ZNF385D: variants seen among roughly 807,000 people sequenced by gnomAD.
The protein encoded by ZNF385D is zinc finger protein 385D.
In ZNF385D, 15 loss-of-function variants were observed where a neutral mutation model predicts 35.8. The ratio of observed to expected loss-of-function variants is 0.42; its 90% CI spans 0.28 to 0.64. The LOEUF (loss-of-function observed/expected upper bound fraction) is 0.64, where lower values mean the gene tolerates loss of function less well. Ranked by LOEUF, ZNF385D falls within the 30% of genes least tolerant of loss-of-function variation. ZNF385D has a pLI of 0.23. For missense variants in ZNF385D, 474 were observed against 494.6 expected (o/e 0.96, Z 0.39); for synonymous variants, 212 against 186.8 (o/e 1.13, Z -1.10).
intron 2 of ZNF385D, among the ~76,000 whole-genome samples, chr3:22,175,055 G>T (rs1368706211): frequency 4.1e-5 from 6 of 146,974 alleles, no homozygotes; most frequent in Non-Finnish European, 9.1e-5. Flanking sequence ...TGGAAAAAAA[G>T]TACTGTATGG....
intron 2 of ZNF385D, among the ~76,000 whole-genome samples, chr3:22,242,445 G>C (rs537046064): frequency 6.6e-6 from 1 of 150,644 alleles, no homozygotes; most frequent in East Asian, 2.0e-4. Flanking sequence ...TGGATATCAC[G>C]TAAACCCTGA....
intron 2 of ZNF385D, among the ~76,000 whole-genome samples, chr3:22,217,719 T>C (rs1697979915): frequency 6.6e-6 from 1 of 152,148 alleles, no homozygotes; most frequent in Non-Finnish European, 1.5e-5. Context: ...GGGAGAATGA[T>C]AGGCTGAAAA....
At chr3:22,271,609 T>A (rs368945439) in intron 2 of ZNF385D, among the ~76,000 whole-genome samples, 2 of 151,976 alleles carry the variant, frequency 1.3e-5, no homozygotes, top group Non-Finnish European at 2.9e-5. Flanking sequence ...CATGTTCTTT[T>A]GTGTTTCCTG....
At chr3:22,187,324 C>A (rs1318497735) in intron 2 of ZNF385D, among the ~76,000 whole-genome samples, 3 of 152,136 alleles carry the variant, frequency 2.0e-5, no homozygotes, top group African/African-American at 4.8e-5. Context: ...TTTCAATTAA[C>A]TGGTGATACA....
rs566834664 is a variant in ZNF385D at position 21,989,106 on chromosome 3, C to G, written c.325+179711G>C. 2.7e-3 allele frequency among the ~76,000 whole-genome samples: 405 copies of G among 152,272 alleles called. 2 individuals carry two copies. Among genetic ancestry groups the G allele is most frequent in the African/African-American group, 9.3e-3 (386 of 41,554 alleles). On this transcript the variant is annotated intron_variant, in intron 3 of 5. Transcript: ENST00000494108. ...ACCTCAGATGGAAATGCAGAAATCA[C>G]CCGTCTTCTGCGTCGCTCACGCTGG...
intron 3 of ZNF385D, among the ~76,000 whole-genome samples, chr3:22,146,266 T>C (rs1018041568): frequency 6.6e-6 from 1 of 152,222 alleles, no homozygotes; most frequent in East Asian, 1.9e-4. Context: ...TCAGTAATAT[T>C]CGTTTAATAG....
At chr3:21,847,576 T>C (rs891196665) in intron 3 of ZNF385D, among the ~76,000 whole-genome samples, 4 of 152,024 alleles carry the variant, frequency 2.6e-5, no homozygotes, top group Non-Finnish European at 5.9e-5. Context: ...ATGGGTGTAG[T>C]TGATTGAATG....
chr3:21,627,235 A>G (rs1285666427), intron 2 of ZNF385D, among the ~76,000 whole-genome samples: 2 of 137,722 alleles, frequency 1.5e-5, no homozygotes, highest in East Asian at 2.2e-4. Flanking sequence ...TGCTGGTTCA[A>G]AGAGGTGTAG....
At chr3:22,196,114 A>G (rs972254501) in intron 2 of ZNF385D, among the ~76,000 whole-genome samples, 58 of 152,084 alleles carry the variant, frequency 3.8e-4, no homozygotes, top group Non-Finnish European at 1.6e-4. Flanking sequence ...GTGTACAATG[A>G]ACCCCGATGA....
intron 3 of ZNF385D, among the ~76,000 whole-genome samples, chr3:21,856,269 ACACTGGAATGTCCAGGATTACATC>A (rs148776738): frequency 0.038 from 5,831 of 152,084 alleles, 386 homozygotes; most frequent in African/African-American, 0.13. Context: ...TAAAGTGCAG[ACACTGGAATGTCCAGGATTACATC>A]CATGGACCCC....
intron 3 of ZNF385D, among the ~76,000 whole-genome samples, chr3:22,167,333 C>T (rs769765133): frequency 6.6e-6 from 1 of 152,178 alleles, no homozygotes; most frequent in African/African-American, 2.4e-5. Context: ...TCAGCATGTA[C>T]TCTCCTATTC....
chr3:22,049,767 T>C (rs908125546), intron 3 of ZNF385D, among the ~76,000 whole-genome samples: 4 of 152,224 alleles, frequency 2.6e-5, no homozygotes, highest in African/African-American at 9.6e-5. Flanking sequence ...ATATATTTTT[T>C]GTTCCTCATT....
chr3:21,939,702 A>G (rs1303247046), intron 3 of ZNF385D, among the ~76,000 whole-genome samples: 5 of 152,336 alleles, frequency 3.3e-5, no homozygotes, highest in South Asian at 2.1e-4. Context: ...GATGAGTTCA[A>G]TAACTGATGC....
intron 3 of ZNF385D, among the ~76,000 whole-genome samples, chr3:21,513,047 A>C (rs1413006352): frequency 6.6e-6 from 1 of 152,162 alleles, no homozygotes; most frequent in African/African-American, 2.4e-5. Flanking sequence ...ATACCTCCAA[A>C]ATAGACATTT....
intron 3 of ZNF385D, among the ~76,000 whole-genome samples, chr3:22,059,088 T>C (rs1576239812): frequency 6.6e-6 from 1 of 152,236 alleles, no homozygotes; most frequent in African/African-American, 2.4e-5. Context: ...GGGCAATCAC[T>C]GGACTCCTGG....
chr3:22,286,538 A>G (rs1241479092), intron 2 of ZNF385D, among the ~76,000 whole-genome samples: 6 of 152,102 alleles, frequency 3.9e-5, no homozygotes, highest in African/African-American at 1.2e-4. Context: ...CATGATTGCT[A>G]CTATAAAATT....
rs1431347331 is a variant in ZNF385D at position 21,413,068 on chromosome 3, T to A, written c.*8146A>T. On this transcript the variant is annotated 3_prime_UTR_variant, in exon 8 of 8. Transcript: ENST00000281523. ...AAGAAAAAATAGTACTTTACTGGTA[T>A]ACAAAGGGTAGTTCTTTGGGTTTTT... 6.6e-6 allele frequency: 1 copy of A among 152,012 alleles called. No homozygotes were observed. The highest frequency in any genetic ancestry group is 6.6e-5 in the Admixed American group (1 of 15,242). The allele number at this position is 152,012 out of a possible 1,614,324, so 9.4% of individuals were successfully genotyped here.
At position 21,487,882 on chromosome 3, in the gene ZNF385D, A is replaced by G. The variant is rs549407672; in HGVS notation, c.439+22979T>C. 1.6e-4 allele frequency among the ~76,000 whole-genome samples: 25 copies of G among 152,288 alleles called. 1 individual carries two copies. In the South Asian group the frequency reaches 5.2e-3, roughly 32 times the overall value. ...GAATTTAATGAATCAATTCATGTAA[A>G]ACATCAGAATGCCTAACTTGTACTA... On this transcript the variant is annotated intron_variant, in intron 4 of 7. Coordinates refer to ENST00000281523, the MANE Select transcript of ZNF385D (RefSeq NM_024697.3).
intron 3 of ZNF385D, among the ~76,000 whole-genome samples, chr3:21,916,237 A>G (rs1700187681): frequency 6.6e-6 from 1 of 152,180 alleles, no homozygotes; most frequent in African/African-American, 2.4e-5. Flanking sequence ...GAATATTCAA[A>G]AGTAATAAAG....
Sources: gnomAD v4.1 joint callset for allele counts (sites outside exome capture counted in the v4.1 genomes callset) on GRCh38, gnomAD v4.1.1 for gene constraint, MANE v1.5 for transcripts, NCBI Gene and HGNC (gene_info 2026-07-23, HGNC 2026-07-21) for gene names.